Variants in NKAIN2 observed in about 807,000 individuals in gnomAD.
NKAIN2 encodes sodium/potassium-transporting ATPase subunit beta-1-interacting protein 2.
In NKAIN2, 14 loss-of-function variants were observed where a neutral mutation model predicts 32.6. The ratio of observed to expected loss-of-function variants is 0.43; its 90% confidence interval spans 0.28 to 0.67. The LOEUF is 0.67. Ranked by LOEUF, NKAIN2 falls within the 30% of genes least tolerant of loss-of-function variation. The pLI, the probability that NKAIN2 is intolerant of heterozygous loss-of-function variation, is 0.17. For missense variants in NKAIN2, 198 were observed against 258.3 expected (o/e 0.77, Z 1.60); for synonymous variants, 80 against 87.2 (o/e 0.92, Z 0.46).
chr6:124,560,833 A>G (rs1780662773), intron 3 of NKAIN2, among the ~76,000 whole-genome samples: 1 of 152,228 alleles, frequency 6.6e-6, no homozygotes, highest in Non-Finnish European at 1.5e-5. Flanking sequence ...AAAACCTGAA[A>G]AATGACCAAG....
At chr6:124,130,678 A>G (rs1214852011) in intron 1 of NKAIN2, among the ~76,000 whole-genome samples, 4 of 151,268 alleles carry the variant, frequency 2.6e-5, no homozygotes, top group Non-Finnish European at 5.9e-5. Context: ...ATCGATCTTC[A>G]TGCTCGTTTT....
chr6:123,922,456 A>G (rs1775799425), intron 1 of NKAIN2, among the ~76,000 whole-genome samples: 2 of 152,226 alleles, frequency 1.3e-5, no homozygotes, highest in African/African-American at 4.8e-5. Context: ...ATCTGTCCTG[A>G]TGTGAAAATC....
Position 124,824,584 on chromosome 6 carries a change from A to G in NKAIN2, c.*1355A>G, listed in dbSNP as rs17052429. The G allele has an allele frequency of 6.7e-4, 102 of 152,306 alleles. No homozygotes were observed. The highest frequency in any genetic ancestry group is 2.2e-3 in the African/African-American group (91 of 41,568). 9.4% of individuals were successfully genotyped at this position (152,306 alleles called of 1,614,324 possible). A position where few individuals can be genotyped will look rare whatever the true frequency, so the allele number is the denominator to read the frequency against. ...CTAGGAAATTTTGTTCTATATTTTA[A>G]AGCATTATTTGGTTTTCATTAGTGG... On this transcript the variant is annotated 3_prime_UTR_variant, in exon 7 of 7. Transcript: ENST00000368417.
At chr6:124,170,098 A>G (rs1171075528) in intron 1 of NKAIN2, among the ~76,000 whole-genome samples, 1 of 152,056 alleles carries the variant, frequency 6.6e-6, no homozygotes, top group Non-Finnish European at 1.5e-5. Context: ...CTTCTTGCTG[A>G]ATCTCTATTC....
intron 3 of NKAIN2, among the ~76,000 whole-genome samples, chr6:124,552,935 G>A (rs940377735): frequency 3.4e-4 from 51 of 152,042 alleles, no homozygotes; most frequent in Admixed American, 2.7e-3. Context: ...ACTCCAAACC[G>A]CTCAAATAAC....
rs183216255 is a variant in NKAIN2, at chr6:124,107,349, G to A, written c.55-175656G>A. ...AGATGGTGTGATTCTAGTTGATAGG[G>A]TAGAAAACCAATTGTAGGAAAAATA... is the stretch of plus-strand genomic sequence containing the variant. On this transcript the variant is annotated intron_variant, in intron 1 of 6. Transcript: ENST00000368417. 7.2e-5 allele frequency among the ~76,000 whole-genome samples: 11 copies of A among 152,188 alleles called. No homozygotes were observed. In the East Asian group the frequency reaches 1.9e-3, roughly 27 times the overall value.
chr6:124,479,207 C>A (rs1342882835), intron 3 of NKAIN2, among the ~76,000 whole-genome samples: 1 of 151,976 alleles, frequency 6.6e-6, no homozygotes, highest in Non-Finnish European at 1.5e-5. Context: ...GACCCTGGAA[C>A]ATAAAAAGAA....
intron 1 of NKAIN2, among the ~76,000 whole-genome samples, chr6:124,097,777 A>G (rs1241606887): frequency 6.6e-6 from 1 of 152,170 alleles, no homozygotes; most frequent in African/African-American, 2.4e-5. Context: ...TATATTTTCT[A>G]TATGGGAAGT....
intron 3 of NKAIN2, among the ~76,000 whole-genome samples, chr6:124,468,638 GAAAGA>G (rs1776854523): frequency 6.6e-6 from 1 of 152,070 alleles, no homozygotes; most frequent in East Asian, 1.9e-4. Flanking sequence ...CTTCATAATT[GAAAGA>G]AAAGAAAAAA....
chr6:124,447,629 A>G (rs1345586005), intron 3 of NKAIN2, among the ~76,000 whole-genome samples: 1 of 152,152 alleles, frequency 6.6e-6, no homozygotes, highest in Non-Finnish European at 1.5e-5. Context: ...TAGCAGAGAG[A>G]TGATACAAGA....
chr6:124,603,772 G>A (rs1304316266), intron 3 of NKAIN2, among the ~76,000 whole-genome samples: 1 of 151,880 alleles, frequency 6.6e-6, no homozygotes, highest in African/African-American at 2.4e-5. Context: ...ACTGTCCCGG[G>A]AAAACCCAGA....
At chr6:124,474,933 A>G (rs1777138940) in intron 3 of NKAIN2, among the ~76,000 whole-genome samples, 1 of 148,004 alleles carries the variant, frequency 6.8e-6, no homozygotes, top group African/African-American at 2.5e-5. Flanking sequence ...TGCATTATAT[A>G]GGTATATATC....
chr6:124,658,225 C>T lies in NKAIN2; in HGVS notation c.313C>T (p.Arg105Ter), dbSNP rs763076739. The T allele has an allele frequency of 6.2e-7, 1 of 1,613,324 alleles. No individual in the cohort carries two copies. The highest frequency in any genetic ancestry group is 1.1e-5 in the South Asian group (1 of 90,966). ...CCTGACTTTTAATATATCAATGCAC[C>T]GATCTTGGTGGATGGAGAATGGACC... ...LILTFNISMH[R>*]SWWMENGPGC... Residue 105 changes from arginine to a stop codon, truncating the protein, a stop_gained, in exon 4 of 7, where the codon CGA (arginine) becomes TGA (stop). Transcript: ENST00000368417. LOFTEE classifies it high-confidence loss of function.
intron 1 of NKAIN2, among the ~76,000 whole-genome samples, chr6:123,819,772 C>G (rs1773848822): frequency 6.6e-6 from 1 of 152,274 alleles, no homozygotes; most frequent in South Asian, 2.1e-4. Context: ...AAGTAGAAAT[C>G]TGTGCCAGTC....
intron 3 of NKAIN2, among the ~76,000 whole-genome samples, chr6:124,395,631 T>C (rs545667608): frequency 3.4e-4 from 52 of 152,306 alleles, no homozygotes; most frequent in African/African-American, 1.3e-3. Context: ...TAGAGGAATG[T>C]AATATTAAAT....
chr6:124,664,885 T>G (rs1422493266), intron 4 of NKAIN2, among the ~76,000 whole-genome samples: 1 of 144,956 alleles, frequency 6.9e-6, no homozygotes, highest in Non-Finnish European at 1.5e-5. Flanking sequence ...GAGAAGAAAT[T>G]ACATAAAATG....
chr6:124,621,097 A>T (rs889637013), intron 3 of NKAIN2, among the ~76,000 whole-genome samples: 1 of 152,230 alleles, frequency 6.6e-6, no homozygotes, highest in African/African-American at 2.4e-5. Flanking sequence ...CCTGAGTCTC[A>T]TTCCCAGAGA....
At chr6:123,918,974 T>C (rs1775621138) in intron 1 of NKAIN2, among the ~76,000 whole-genome samples, 1 of 152,134 alleles carries the variant, frequency 6.6e-6, no homozygotes, top group Non-Finnish European at 1.5e-5. Context: ...CTGACTCTTC[T>C]TTCTCTCTCT....
At chr6:123,883,690 A>T (rs115553339) in intron 1 of NKAIN2, among the ~76,000 whole-genome samples, 31,271 of 148,946 alleles carry the variant, frequency 0.21, 3,471 homozygotes, top group African/African-American at 0.28. Context: ...AAAAAAAAAA[A>T]TTACCGGCCA....
Sources: allele counts gnomAD v4.1 joint callset (sites outside exome capture counted in the v4.1 genomes callset), GRCh38; gene constraint gnomAD v4.1.1; transcripts MANE v1.5; gene names NCBI Gene and HGNC (gene_info 2026-07-23, HGNC 2026-07-21).